BMI1: variants seen among roughly 807,000 people sequenced by gnomAD.
BMI1 encodes the protein polycomb complex protein BMI-1.
BMI1 carries 9 observed loss-of-function variants against 39.1 expected under a neutral mutation model. The ratio of observed to expected loss-of-function variants is 0.23; its 90% CI spans 0.14 to 0.40. The LOEUF is 0.40. Ranked by LOEUF, BMI1 falls within the 10% of genes least tolerant of loss-of-function variation. The pLI is 1.00. For synonymous variants in BMI1, 131 were observed against 127.9 expected, an observed-to-expected ratio of 1.02 and a Z score of -0.16; for missense variants, 252 against 390.8, an observed-to-expected ratio of 0.64 and a Z score of 2.99.
rs1209815831 is a variant in BMI1 at position 22,330,664 on chromosome 10, A to G, written c.*1122A>G. The G allele has an allele frequency of 1.3e-5, 2 of 152,294 alleles. No homozygotes were observed. Among genetic ancestry groups the G allele is most frequent in the African/African-American group, 2.4e-5 (1 of 41,468 alleles). 9.4% of individuals were successfully genotyped at this position (152,294 alleles called of 1,614,324 possible). ...TTAAATAAACCAGCAGGTTGCTAAAAGAAGGCATTTTATCTAAAGTTATTT... is the reference window on the plus strand; with the variant it reads ...TTAAATAAACCAGCAGGTTGCTAAAGGAAGGCATTTTATCTAAAGTTATTT... On this transcript the variant is annotated 3_prime_UTR_variant, in exon 10 of 10. Transcript: ENST00000376663.
chr10:22,330,512 T>C lies in BMI1; in HGVS notation c.*970T>C, dbSNP rs1041127657. 3.9e-5 allele frequency: 6 copies of C among 152,216 alleles called. No homozygotes were observed. Among genetic ancestry groups the C allele is most frequent in the Non-Finnish European group, 5.9e-5 (4 of 68,004 alleles). The allele number at this position is 152,216 out of a possible 1,614,324, so 9.4% of individuals were successfully genotyped here. A position where few individuals can be genotyped will look rare whatever the true frequency, so the allele number is the denominator to read the frequency against. ...CAGTAATACATGTTTACTTTAAAGA[T>C]TGTTGCAGTGAAGAAAAACCTTTAA... On this transcript the variant is annotated 3_prime_UTR_variant, in exon 10 of 10. Coordinates refer to ENST00000376663, the MANE Select transcript of BMI1 (RefSeq NM_005180.9).
At chr10:22,323,745 G>C (rs1168722147) in intron 1 of BMI1, among the ~76,000 whole-genome samples, 1 of 152,202 alleles carries the variant, frequency 6.6e-6, no homozygotes, top group Non-Finnish European at 1.5e-5. Flanking sequence ...TTTAACGGTT[G>C]AGTATTTTTA....
chr10:22,328,719 C>T (rs115724345), intron 8 of BMI1, 21 bp downstream of exon 8: 7 of 1,541,758 alleles, frequency 4.5e-6, no homozygotes, highest in Admixed American at 2.2e-5. Context: ...TTATATTCTT[C>T]TTGCATTTTA....
chr10:22,326,376 AGAT>A, intron 1 of BMI1, 52 bp from the exon 2 acceptor site: 4 of 1,599,628 alleles, frequency 2.5e-6, no homozygotes, highest in Admixed American at 3.3e-5. Flanking sequence ...TGTGATTACT[AGAT>A]GATCTCCATT....
In BMI1 at chr10:22,329,556, TA is replaced by T. The variant is rs775221360; in HGVS notation, c.*16del. ...TCTTCTGGTTGATACCTGAGACTGT[TA>T]AGGAAAAAAATTTTAAACCCCTGAT... On this transcript the variant is annotated 3_prime_UTR_variant, in exon 10 of 10. Coordinates refer to ENST00000376663, the MANE Select transcript of BMI1 (RefSeq NM_005180.9). 16 of 1,604,994 alleles carry T rather than the reference TA, an allele frequency of 1.0e-5. No individual in the cohort carries two copies. In the South Asian group the frequency reaches 1.7e-4, roughly 17 times the overall value.
At chr10:22,323,470 CTA>C (rs1325709446) in intron 1 of BMI1, among the ~76,000 whole-genome samples, 2 of 152,204 alleles carry the variant, frequency 1.3e-5, no homozygotes, top group Non-Finnish European at 2.9e-5. Flanking sequence ...CATTAATACT[CTA>C]TCACTAACTT....
At chr10:22,326,791 C>T in intron 2 of BMI1, 99 bp from the exon 3 acceptor site, 2 of 1,458,058 alleles carry the variant, frequency 1.4e-6, no homozygotes, top group East Asian at 2.3e-5. Flanking sequence ...TTGGAAATGC[C>T]TTTCACCATC....
rs1184512446 is a variant in BMI1 at position 22,331,010 on chromosome 10, A to G, written c.*1468A>G. The stretch of plus-strand genomic sequence containing the variant: ...CATTTCATTGTCCCCAGTCTGCAAA[A>G]GAAGCACAATTCTATTGCTTTGTCT... On this transcript the variant is annotated 3_prime_UTR_variant, in exon 10 of 10. Coordinates refer to ENST00000376663, the MANE Select transcript of BMI1 (RefSeq NM_005180.9). 1 of 152,604 alleles carries G rather than the reference A, an allele frequency of 6.6e-6. No individual in the cohort carries two copies. The highest frequency in any genetic ancestry group is 6.5e-5 in the Admixed American group (1 of 15,286). The allele number at this position is 152,604 out of a possible 1,614,324, so 9.5% of individuals were successfully genotyped here.
intron 1 of BMI1, chr10:22,325,580 ACCCCGCCCCCGCGCCGG>A (rs1223745199): frequency 5.3e-4 from 6 of 11,390 alleles, no homozygotes; most frequent in Admixed American, 8.7e-4. Flanking sequence ...CGCCGCACCC[ACCCCGCCCCCGCGCCGG>A]CCCCGCCCCC....
Position 22,329,750 on chromosome 10 carries a change from T to G in BMI1, c.*208T>G, listed in dbSNP as rs1233900174. ...AAGAAAGATTGTTGTTATAAAGAAT[T>G]GGTTTCTTGGAAAGCAGGCAAGACT... On this transcript the variant is annotated 3_prime_UTR_variant, in exon 10 of 10. Transcript: ENST00000376663. 1.6e-5 allele frequency: 10 copies of G among 617,472 alleles called. No individual in the cohort carries two copies. In the South Asian group the frequency reaches 2.2e-4, roughly 14 times the overall value. 38.2% of individuals were successfully genotyped at this position (617,472 alleles called of 1,614,324 possible). A position where few individuals can be genotyped will look rare whatever the true frequency, so the allele number is the denominator to read the frequency against.
intron 3 of BMI1, 57 bp downstream of exon 3, chr10:22,327,043 T>G: frequency 6.4e-7 from 1 of 1,569,832 alleles, no homozygotes; most frequent in Non-Finnish European, 8.7e-7. Context: ...TATAATTTAC[T>G]GAAGGCAACC....
intron 8 of BMI1, 93 bp downstream of exon 8, chr10:22,328,791 G>T: frequency 7.6e-7 from 1 of 1,314,454 alleles, no homozygotes; most frequent in Non-Finnish European, 1.0e-6. Flanking sequence ...AAAAGCAATA[G>T]AAAAAAAATG....
intron 2 of BMI1, 152 bp from the exon 3 acceptor site, chr10:22,326,738 C>G (rs1347747761): frequency 1.5e-6 from 2 of 1,293,884 alleles, no homozygotes; most frequent in Non-Finnish European, 2.1e-6. Flanking sequence ...GTATTACAAG[C>G]ATGCAATATA....
chr10:22,326,203 A>G, intron 1 of BMI1: 1 of 493,894 alleles, frequency 2.0e-6, no homozygotes, highest in Admixed American at 3.7e-5. Flanking sequence ...TCTTCTACCT[A>G]CAGGAATGAT....
chr10:22,325,741 G>A (rs1343127586), intron 1 of BMI1: 6 of 151,818 alleles, frequency 4.0e-5, no homozygotes. Flanking sequence ...AAGTTGCTAT[G>A]GAAACCCCGA....
chr10:22,321,419 AGGAGGCGTTGGAGGTCGAGGCGGAGGC>A lies in BMI1; in HGVS notation c.-291_-265del, dbSNP rs1356524502. Reference sequence around the variant, plus strand: ...GAGGAGGAGGAGGAGGCCCCGGAGGAGGAGGCGTTGGAGGTCGAGGCGGAGGCGGAGGAGGAGGAGGCCGAGGCGCCG... The same window carrying A: ...GAGGAGGAGGAGGAGGCCCCGGAGGAGGAGGAGGAGGAGGCCGAGGCGCCG... On this transcript the variant is annotated 5_prime_UTR_variant, in exon 1 of 10. Transcript: ENST00000376663. 1.4e-4 allele frequency: 22 copies of A among 160,508 alleles called. No homozygotes were observed. The highest frequency in any genetic ancestry group is 2.7e-4 in the Non-Finnish European group (20 of 74,252). The allele number at this position is 160,508 out of a possible 1,614,324, so 9.9% of individuals were successfully genotyped here.
At chr10:22,324,911 T>A (rs1588618898) in intron 1 of BMI1, among the ~76,000 whole-genome samples, 1 of 152,202 alleles carries the variant, frequency 6.6e-6, no homozygotes, top group Non-Finnish European at 1.5e-5. Flanking sequence ...GTAATAGAGG[T>A]ATCTGTTGGG....
At position 22,329,010 on chromosome 10, in the gene BMI1, T is replaced by C. The variant is rs780908412; in HGVS notation, c.571-38T>C. On this transcript the variant is annotated intron_variant, in intron 8 of 9. Coordinates refer to ENST00000376663, the MANE Select transcript of BMI1 (RefSeq NM_005180.9). ...AATGACAAAAAATGTACATTTACCT[T>C]TGTTCTTTTATTACTTAATAAAAAT... The C allele has an allele frequency of 5.8e-6, 9 of 1,547,688 alleles. No homozygotes were observed. The African/African-American group carries it at 1.2e-4, about 21-fold the overall frequency.
chr10:22,329,209 G>A lies in BMI1; in HGVS notation c.652-4G>A, dbSNP rs781722168. On this transcript the variant is annotated splice_polypyrimidine_tract_variant and splice_region_variant and intron_variant, in intron 9 of 9. Coordinates refer to ENST00000376663, the MANE Select transcript of BMI1 (RefSeq NM_005180.9). ...GAGTAATTTTTTTCCTTTTAACTTT[G>A]TAGAATGGTCCACTTCCATTGAAAT... The A allele has an allele frequency of 3.7e-6, 6 of 1,612,564 alleles. No individual in the cohort carries two copies. The highest frequency in any genetic ancestry group is 5.1e-6 in the Non-Finnish European group (6 of 1,179,396).
Sources: gnomAD v4.1 joint callset for allele counts (sites outside exome capture counted in the v4.1 genomes callset) on GRCh38, gnomAD v4.1.1 for gene constraint, MANE v1.5 for transcripts, NCBI Gene and HGNC (gene_info 2026-07-23, HGNC 2026-07-21) for gene names.